PTPRD: variants seen among roughly 807,000 people sequenced by gnomAD.
PTPRD encodes the protein receptor-type tyrosine-protein phosphatase delta.
A neutral mutation model predicts 214.5 loss-of-function variants in PTPRD; 34 were observed. The ratio of observed to expected loss-of-function variants is 0.16; its 90% CI spans 0.12 to 0.21. PTPRD has a LOEUF of 0.21. PTPRD is among the 10% of genes least tolerant of loss of function. PTPRD has a pLI of 1.00. For missense variants in PTPRD, 2,545 were observed against 2,398.7 expected (o/e 1.06, Z -1.27); for synonymous variants, 1,128 against 845.7 (o/e 1.33, Z -5.79).
In PTPRD at chr9:9,961,218, AGAATAAG is replaced by A. The variant is rs145105073; in HGVS notation, c.-471-22615_-471-22609del. ...AGCAGATACATACTCTTTCCTTTCA[AGAATAAG>A]GATTACTATATGTATCTTGCACTCC... On this transcript the variant is annotated intron_variant, in intron 4 of 45. Coordinates refer to ENST00000381196, the MANE Select transcript of PTPRD (RefSeq NM_002839.4). Among the ~76,000 whole-genome samples the A allele has an allele frequency of 4.9e-3, 743 of 152,280 alleles. 52 individuals carry two copies. In the East Asian group the frequency reaches 0.12, roughly 25 times the overall value.
intron 39 of PTPRD, among the ~76,000 whole-genome samples, chr9:8,370,015 C>T (rs10977008): frequency 0.033 from 4,976 of 151,916 alleles, 274 homozygotes; most frequent in African/African-American, 0.11. Context: ...ACATAAGGAA[C>T]AAGGCTCAAA....
chr9:10,536,691 T>C (rs1376300095), intron 2 of PTPRD, among the ~76,000 whole-genome samples: 1 of 152,102 alleles, frequency 6.6e-6, no homozygotes, highest in African/African-American at 2.4e-5. Flanking sequence ...TAACACAGAA[T>C]GCATTGCTTG....
chr9:9,479,502 T>C (rs1459584409), intron 8 of PTPRD, among the ~76,000 whole-genome samples: 1 of 152,222 alleles, frequency 6.6e-6, no homozygotes, highest in Non-Finnish European at 1.5e-5. Flanking sequence ...CTGACATCAT[T>C]ACAAGGTAGG....
intron 11 of PTPRD, among the ~76,000 whole-genome samples, chr9:8,858,549 T>C (rs775902712): frequency 4.0e-4 from 61 of 152,154 alleles, no homozygotes; most frequent in Non-Finnish European, 7.5e-4. Flanking sequence ...CTTTGTTTCC[T>C]TGTGTGGGTG....
intron 20 of PTPRD, among the ~76,000 whole-genome samples, chr9:8,520,509 G>C (rs1197793918): frequency 6.6e-6 from 1 of 151,958 alleles, no homozygotes; most frequent in Non-Finnish European, 1.5e-5. Flanking sequence ...GATAATTTGT[G>C]TTCATTTTGC....
chr9:8,722,129 G>GTC (rs1555212470), intron 12 of PTPRD, among the ~76,000 whole-genome samples: 1 of 46,020 alleles, frequency 2.2e-5, no homozygotes, highest in East Asian at 4.1e-4. Context: ...TACTCTGTGT[G>GTC]TGTGTGTGTG....
intron 5 of PTPRD, among the ~76,000 whole-genome samples, chr9:9,931,706 G>C (rs978995599): frequency 1.3e-5 from 2 of 151,566 alleles, no homozygotes; most frequent in South Asian, 2.1e-4. Context: ...TGGGAAGCTC[G>C]AACTGGGTGG....
At chr9:10,425,793 A>C (rs1287472320) in intron 2 of PTPRD, among the ~76,000 whole-genome samples, 1 of 152,006 alleles carries the variant, frequency 6.6e-6, no homozygotes, top group Non-Finnish European at 1.5e-5. Flanking sequence ...AATTTTAATT[A>C]AACTAATAGC....
chr9:9,859,093 A>G (rs547314133), intron 5 of PTPRD, among the ~76,000 whole-genome samples: 14 of 152,192 alleles, frequency 9.2e-5, no homozygotes, highest in Admixed American at 9.2e-4. Context: ...AGGGCTGATG[A>G]TTTTAAAGTG....
intron 7 of PTPRD, among the ~76,000 whole-genome samples, chr9:9,646,930 G>C (rs1444757126): frequency 6.6e-6 from 1 of 152,132 alleles, no homozygotes; most frequent in Non-Finnish European, 1.5e-5. Flanking sequence ...TGAAACTATG[G>C]AAAGCAAAAC....
At chr9:9,538,762 C>T (rs2076998963) in intron 8 of PTPRD, among the ~76,000 whole-genome samples, 1 of 151,772 alleles carries the variant, frequency 6.6e-6, no homozygotes. Context: ...AACAAATGCT[C>T]TAATGAAAGA....
At chr9:9,432,708 A>G (rs1246224347) in intron 8 of PTPRD, among the ~76,000 whole-genome samples, 1 of 152,236 alleles carries the variant, frequency 6.6e-6, no homozygotes, top group Non-Finnish European at 1.5e-5. Context: ...TAAGCAATAC[A>G]TATGGACTTT....
At chr9:10,139,147 A>C (rs1030004433) in intron 3 of PTPRD, among the ~76,000 whole-genome samples, 1 of 152,140 alleles carries the variant, frequency 6.6e-6, no homozygotes, top group Non-Finnish European at 1.5e-5. Context: ...AAAACCAGGA[A>C]GATTCCCCCA....
In PTPRD at chr9:9,928,235, A is replaced by T. The variant is rs185180922; in HGVS notation, c.-368+10272T>A. Among the ~76,000 whole-genome samples, 4 of 152,304 alleles carry T rather than the reference A, an allele frequency of 2.6e-5. No individual in the cohort carries two copies. In the East Asian group the frequency reaches 5.8e-4, roughly 22 times the overall value. Reference sequence around the variant, plus strand: ...GATCATGAAGTGTTATTAATATTACATGGTTAGAATTAATTTCCAGATCAA... The same window carrying T: ...GATCATGAAGTGTTATTAATATTACTTGGTTAGAATTAATTTCCAGATCAA... On this transcript the variant is annotated intron_variant, in intron 5 of 45. Transcript: ENST00000381196.
rs2075375747 is a variant in PTPRD, at chr9:9,531,164, T to C, written c.-237+43568A>G. On this transcript the variant is annotated intron_variant, in intron 8 of 45. Coordinates refer to ENST00000381196, the MANE Select transcript of PTPRD (RefSeq NM_002839.4). ...TGTACCCCCAAAATGTGTAAATATGTAAATTACATATCAATTTTAACTAAA... is the reference window on the plus strand; with the variant it reads ...TGTACCCCCAAAATGTGTAAATATGCAAATTACATATCAATTTTAACTAAA... Among the ~76,000 whole-genome samples the C allele has an allele frequency of 2.0e-5, 3 of 152,236 alleles. No homozygotes were observed. The South Asian group carries it at 6.2e-4, about 32-fold the overall frequency.
chr9:8,580,283 C>G (rs2092931995), intron 14 of PTPRD, among the ~76,000 whole-genome samples: 1 of 152,002 alleles, frequency 6.6e-6, no homozygotes. Flanking sequence ...CAAGACAGAT[C>G]CGAAATGATA....
intron 12 of PTPRD, among the ~76,000 whole-genome samples, chr9:8,677,202 G>A (rs368009908): frequency 3.9e-5 from 6 of 152,206 alleles, no homozygotes; most frequent in South Asian, 2.1e-4. Flanking sequence ...CATGGGAGCC[G>A]TAAGGATGCA....
chr9:8,876,831 G>A (rs2098396266), intron 11 of PTPRD, among the ~76,000 whole-genome samples: 2 of 152,234 alleles, frequency 1.3e-5, no homozygotes, highest in South Asian at 4.2e-4. Flanking sequence ...TCAAGACCAT[G>A]GTCTGATATT....
chr9:10,582,441 A>G lies in PTPRD; in HGVS notation c.-600+29957T>C, dbSNP rs574749574. 2.6e-5 allele frequency among the ~76,000 whole-genome samples: 4 copies of G among 152,214 alleles called. No homozygotes were observed. The South Asian group carries it at 6.2e-4, about 24-fold the overall frequency. On this transcript the variant is annotated intron_variant, in intron 2 of 45. Transcript: ENST00000381196. ...CAATGTTAAAGTTCTCCTCAAATCC[A>G]CTTTACTCAGCTGTATATTTTGTTA...
Sources: allele counts gnomAD v4.1 joint callset (sites outside exome capture counted in the v4.1 genomes callset), GRCh38; gene constraint gnomAD v4.1.1; transcripts MANE v1.5; gene names NCBI Gene and HGNC (gene_info 2026-07-23, HGNC 2026-07-21).